The following LHFPL3 variants were observed in gnomAD, a reference collection of about 807,000 sequenced individuals.
LHFPL3 encodes LHFPL tetraspan subfamily member 3 protein.
In LHFPL3, 5 loss-of-function variants were observed where a neutral mutation model predicts 19.3. The observed-to-expected ratio is 0.26, with a 90% CI of 0.14 to 0.54. LHFPL3 has a LOEUF of 0.54. Ranked by LOEUF, LHFPL3 falls within the 20% of genes least tolerant of loss-of-function variation. The pLI is 0.94. For synonymous variants in LHFPL3, 133 were observed against 126.2 expected (o/e 1.05, Z -0.36); for missense variants, 249 against 307.4 (o/e 0.81, Z 1.42).
At chr7:104,884,832 T>C (rs1445047938) in intron 2 of LHFPL3, among the ~76,000 whole-genome samples, 1 of 152,126 alleles carries the variant, frequency 6.6e-6, no homozygotes, top group East Asian at 1.9e-4. Flanking sequence ...AGGGGTTCTG[T>C]AACTTAACAG....
intron 1 of LHFPL3, among the ~76,000 whole-genome samples, chr7:104,346,211 T>C (rs1463988539): frequency 1.3e-5 from 2 of 152,074 alleles, no homozygotes; most frequent in African/African-American, 4.8e-5. Context: ...AATTTTTGTA[T>C]TTTTAGTAGA....
chr7:104,387,505 T>C (rs1790971350), intron 1 of LHFPL3, among the ~76,000 whole-genome samples: 1 of 152,096 alleles, frequency 6.6e-6, no homozygotes, highest in African/African-American at 2.4e-5. Context: ...GATTATCTAG[T>C]CTGTAAAACA....
intron 1 of LHFPL3, among the ~76,000 whole-genome samples, chr7:104,352,879 T>C (rs1039836951): frequency 2.0e-5 from 3 of 152,158 alleles, no homozygotes; most frequent in Non-Finnish European, 4.4e-5. Context: ...TCAGTAACAG[T>C]TGGGGCTTCC....
intron 1 of LHFPL3, among the ~76,000 whole-genome samples, chr7:104,343,748 T>TGTGC (rs71519170): frequency 1.3e-5 from 2 of 151,246 alleles, no homozygotes; most frequent in African/African-American, 4.9e-5. Context: ...TGTGTGTGTG[T>TGTGC]GGTTTACAAA....
chr7:104,525,677 G>C (rs1034416666), intron 1 of LHFPL3, among the ~76,000 whole-genome samples: 1 of 151,016 alleles, frequency 6.6e-6, no homozygotes, highest in Non-Finnish European at 1.5e-5. Context: ...TGTGATCTTG[G>C]CTCACTGCAA....
At chr7:104,440,035 T>TAGG (rs1554394355) in intron 1 of LHFPL3, among the ~76,000 whole-genome samples, 1 of 84,902 alleles carries the variant, frequency 1.2e-5, no homozygotes, top group African/African-American at 3.5e-5. Context: ...ATACAAAGCC[T>TAGG]GGGGGGGGGG....
rs140101785 is a variant in LHFPL3 at position 104,390,190 on chromosome 7, T to A, written c.445+60966T>A. On this transcript the variant is annotated intron_variant, in intron 1 of 2. Coordinates refer to ENST00000424859, the MANE Select transcript of LHFPL3 (RefSeq NM_199000.3). ...ACTAACAACCCAATTTATTTTTTATTTTTTATTTTTATTATACTTTAAATT... is the reference window on the plus strand; with the variant it reads ...ACTAACAACCCAATTTATTTTTTATATTTTATTTTTATTATACTTTAAATT... 5.6e-3 allele frequency among the ~76,000 whole-genome samples: 859 copies of A among 152,038 alleles called. 2 individuals carry two copies. The highest frequency in any genetic ancestry group is 0.02 in the African/African-American group (821 of 41,476).
At chr7:104,555,270 T>C (rs899922741) in intron 1 of LHFPL3, among the ~76,000 whole-genome samples, 1 of 152,362 alleles carries the variant, frequency 6.6e-6, no homozygotes, top group African/African-American at 2.4e-5. Flanking sequence ...TAATGGGATT[T>C]GTACCCTTAT....
rs150347781 is a variant in LHFPL3, at chr7:104,417,231, T to C, written c.445+88007T>C. Among the ~76,000 whole-genome samples, 575 of 152,356 alleles carry C rather than the reference T, an allele frequency of 3.8e-3. 7 individuals are homozygous for C. The highest frequency in any genetic ancestry group is 0.014 in the African/African-American group (567 of 41,588). ...GTGTGCCTGTAAGCTTCTGCTTCAATGAGCATGTCTCATGTCTCAGGTGGA... is the reference window on the plus strand; with the variant it reads ...GTGTGCCTGTAAGCTTCTGCTTCAACGAGCATGTCTCATGTCTCAGGTGGA... On this transcript the variant is annotated intron_variant, in intron 1 of 2. Coordinates refer to ENST00000424859, the MANE Select transcript of LHFPL3 (RefSeq NM_199000.3).
chr7:104,755,845 G>A (rs1282407714), intron 2 of LHFPL3, among the ~76,000 whole-genome samples: 1 of 152,186 alleles, frequency 6.6e-6, no homozygotes, highest in African/African-American at 2.4e-5. Flanking sequence ...ATAGGCATGC[G>A]CCACCACGCC....
intron 2 of LHFPL3, among the ~76,000 whole-genome samples, chr7:104,770,102 G>T (rs763499587): frequency 7.2e-5 from 11 of 152,110 alleles, no homozygotes; most frequent in Non-Finnish European, 1.2e-4. Flanking sequence ...GAAAGCCAGA[G>T]TCAGCCTGGT....
At chr7:104,574,949 G>A (rs368956135) in intron 1 of LHFPL3, among the ~76,000 whole-genome samples, 2 of 152,146 alleles carry the variant, frequency 1.3e-5, no homozygotes, top group Admixed American at 1.3e-4. Flanking sequence ...AGGGTACCCT[G>A]TACATTTTAA....
intron 2 of LHFPL3, among the ~76,000 whole-genome samples, chr7:104,853,909 A>G (rs1791454921): frequency 6.6e-6 from 1 of 152,202 alleles, no homozygotes; most frequent in Admixed American, 6.5e-5. Context: ...GGTAATTTCA[A>G]TCTGATTATC....
chr7:104,876,719 G>A (rs570749302), intron 2 of LHFPL3, among the ~76,000 whole-genome samples: 54 of 152,034 alleles, frequency 3.6e-4, no homozygotes, highest in Admixed American at 1.4e-3. Flanking sequence ...TCAGTGTGGC[G>A]ATTCCTCAGG....
chr7:104,552,716 T>A (rs1196204632), intron 1 of LHFPL3, among the ~76,000 whole-genome samples: 2 of 152,254 alleles, frequency 1.3e-5, no homozygotes, highest in Non-Finnish European at 2.9e-5. Flanking sequence ...TGTGTATATA[T>A]GTAAATTTTA....
intron 1 of LHFPL3, among the ~76,000 whole-genome samples, chr7:104,551,175 A>G (rs573214785): frequency 6.6e-6 from 1 of 152,180 alleles, no homozygotes; most frequent in South Asian, 2.1e-4. Flanking sequence ...AAAAACAACT[A>G]TTAAGTTGAT....
intron 1 of LHFPL3, among the ~76,000 whole-genome samples, chr7:104,714,984 C>CAGAGAG (rs138444744): frequency 6.7e-6 from 1 of 149,406 alleles, no homozygotes; most frequent in Non-Finnish European, 1.5e-5. Flanking sequence ...TGTATATACA[C>CAGAGAG]AGAGAGAGAG....
intron 1 of LHFPL3, among the ~76,000 whole-genome samples, chr7:104,695,970 AG>A (rs534458017): frequency 5.3e-5 from 8 of 152,044 alleles, no homozygotes; most frequent in Non-Finnish European, 7.4e-5. Flanking sequence ...TGTTTTTTTG[AG>A]AAGGAGTCTC....
chr7:104,784,115 T>C (rs756231055), intron 2 of LHFPL3, among the ~76,000 whole-genome samples: 7 of 152,226 alleles, frequency 4.6e-5, no homozygotes, highest in Non-Finnish European at 1.0e-4. Context: ...ATTTAAGAAT[T>C]TGGGGCTGGA....
Sources: allele counts gnomAD v4.1 joint callset (sites outside exome capture counted in the v4.1 genomes callset), GRCh38; gene constraint gnomAD v4.1.1; transcripts MANE v1.5; gene names NCBI Gene and HGNC (gene_info 2026-07-23, HGNC 2026-07-21).